The following SEC16A variants were observed in gnomAD, a reference collection of about 807,000 sequenced individuals.
SEC16A encodes protein transport protein Sec16A.
SEC16A carries 110 observed loss-of-function variants against 221.9 expected under a neutral mutation model. The ratio of observed to expected loss-of-function variants is 0.50; its 90% CI spans 0.42 to 0.58. The LOEUF is 0.58. Ranked by LOEUF, SEC16A falls within the 20% of genes least tolerant of loss-of-function variation. SEC16A has a pLI of 0.00. For synonymous variants in SEC16A, 1,393 were observed against 1,257.7 expected, an observed-to-expected ratio of 1.11 and a Z score of -2.28; for missense variants, 3,165 against 3,097.8, an observed-to-expected ratio of 1.02 and a Z score of -0.52.
At chr9:136,471,877 T>C (rs759971704) in intron 4 of SEC16A, 98 bp downstream of exon 4, 6 of 1,388,916 alleles carry the variant, frequency 4.3e-6, no homozygotes, top group East Asian at 2.3e-5. Context: ...TCTTCAGAAA[T>C]ACAGAACTTT....
Position 136,467,089 on chromosome 9 carries a change from AG to A in SEC16A, c.3803-7del. 3 of 1,613,794 alleles carry A rather than the reference AG, an allele frequency of 1.9e-6. No homozygotes were observed. Among genetic ancestry groups the A allele is most frequent in the Non-Finnish European group, 2.5e-6 (3 of 1,179,828 alleles). ...ACGATCCCAGTGACCTGGATCTGTG[AG>A]CAAGGAATTAATGATTAATACAGTA... On this transcript the variant is annotated splice_polypyrimidine_tract_variant and splice_region_variant and intron_variant, in intron 5 of 31. Coordinates refer to ENST00000684901, the MANE Select transcript of SEC16A (RefSeq NM_014866.2).
intron 5 of SEC16A, among the ~76,000 whole-genome samples, chr9:136,467,425 G>C (rs994369560): frequency 6.6e-6 from 1 of 152,032 alleles, no homozygotes; most frequent in Non-Finnish European, 1.5e-5. Context: ...GGCTGTTCTT[G>C]AACTCCTGGG....
chr9:136,479,968 C>G (rs1051952377), intron 1 of SEC16A, among the ~76,000 whole-genome samples: 1 of 151,678 alleles, frequency 6.6e-6, no homozygotes, highest in African/African-American at 2.4e-5. Flanking sequence ...AGCCACAACA[C>G]TCCAGCCTGG....
chr9:136,451,207 T>C, intron 23 of SEC16A, 49 bp downstream of exon 23: 1 of 1,578,490 alleles, frequency 6.3e-7, no homozygotes, highest in Non-Finnish European at 8.6e-7. Flanking sequence ...GCGTGCCTCC[T>C]GCCCAAACCC....
Position 136,441,748 on chromosome 9 carries a change from G to A in SEC16A, c.*7C>T, listed in dbSNP as rs772205010. 2 of 1,613,164 alleles carry A rather than the reference G, an allele frequency of 1.2e-6. No homozygotes were observed. The highest frequency in any genetic ancestry group is 1.7e-6 in the Non-Finnish European group (2 of 1,179,650). ...GGCTCCAAGTGCAAGTTCACAGCAGGGCAAGCCTAGTTCAGCACCAGGTGC... is the reference window on the plus strand; with the variant it reads ...GGCTCCAAGTGCAAGTTCACAGCAGAGCAAGCCTAGTTCAGCACCAGGTGC... On this transcript the variant is annotated 3_prime_UTR_variant, in exon 32 of 32. Coordinates refer to ENST00000684901, the MANE Select transcript of SEC16A (RefSeq NM_014866.2).
Position 136,468,398 on chromosome 9 carries a change from G to C in SEC16A, c.3802+17C>G. 1 of 1,557,098 alleles carries C rather than the reference G, an allele frequency of 6.4e-7. No individual in the cohort carries two copies. The highest frequency in any genetic ancestry group is 8.9e-7 in the Non-Finnish European group (1 of 1,129,170). On this transcript the variant is annotated intron_variant, in intron 5 of 31. Transcript: ENST00000684901. Reference sequence around the variant, plus strand: ...AGGCACCTGCTAAGGCCAGCTGCTTGGAGTTCCTTGACATACCTCCATAAT... The same window carrying C: ...AGGCACCTGCTAAGGCCAGCTGCTTCGAGTTCCTTGACATACCTCCATAAT...
chr9:136,443,986 G>A, intron 30 of SEC16A, 86 bp from the exon 31 acceptor site: 1 of 898,620 alleles, frequency 1.1e-6, no homozygotes, highest in Non-Finnish European at 1.7e-6. Context: ...CCGCTTCTGG[G>A]TGGGATTTAC....
chr9:136,484,635 G>A (rs1181345953), upstream of SEC16A: 1 of 1,365,014 alleles, frequency 7.3e-7, no homozygotes, highest in Non-Finnish European at 9.8e-7. Context: ...TCCCCAGCTG[G>A]GCCGGCGGCT....
Position 136,453,490 on chromosome 9 carries a change from G to T in SEC16A, c.6097C>A (p.Pro2033Thr). The part of the protein sequence containing the change: ...PDPGIVPQEA[P>T]VGNSLSELSE... ...AGCTCGGAAAGTGAGTTTCCAACAGGCGCCTCCTGCGGCACTATCCCTGTC... is the reference window on the plus strand; with the variant it reads ...AGCTCGGAAAGTGAGTTTCCAACAGTCGCCTCCTGCGGCACTATCCCTGTC... The change falls in exon 22 of 32, where the codon CCT (proline) becomes ACT (threonine). Residue 2033 changes from proline (P) to threonine (T), a missense_variant. Pro to Thr is a conservative substitution (Grantham distance 38). Around this residue, in one of 3 missense-constraint regions of SEC16A, gnomAD observed 1,088 missense variants for 1,089.6 expected, o/e 1.00. Transcript: ENST00000684901. 6 of 1,613,396 alleles carry T rather than the reference G, an allele frequency of 3.7e-6. No homozygotes were observed. The highest frequency in any genetic ancestry group is 5.1e-6 in the Non-Finnish European group (6 of 1,179,442).
At chr9:136,462,571 A>G (rs1440454388) in intron 12 of SEC16A, among the ~76,000 whole-genome samples, 1 of 152,244 alleles carries the variant, frequency 6.6e-6, no homozygotes, top group Non-Finnish European at 1.5e-5. Context: ...TGTGTCATGC[A>G]CATTTCATCC....
In SEC16A at chr9:136,476,452, TGA is replaced by T. The variant is rs1339790893; in HGVS notation, c.1162_1163del (p.Ser388IlefsTer2). 1.2e-6 allele frequency: 2 copies of T among 1,613,126 alleles called. No individual in the cohort carries two copies. Among genetic ancestry groups the T allele is most frequent in the Admixed American group, 1.7e-5 (1 of 59,996 alleles). The part of the protein sequence containing the change: ...GGETENEENL[S>X]SEKAGLSGQA... ...GACCAGATAAGCCTGCTTTTTCAGA[TGA>T]GAGATTCTCCTCATTTTCTGTCTCT... On this transcript the variant is annotated frameshift_variant, in exon 3 of 32. Transcript: ENST00000684901. LOFTEE classifies it high-confidence loss of function.
chr9:136,476,015 G>T lies in SEC16A; in HGVS notation c.1601C>A (p.Ser534Ter). ...CAGCTCCTGGGGCCTGGCTGAGCCT[G>T]AGAGCCTTCCGTGGCTTCTGCTGCT... ...SYSSRSHGRL[S>*]GSARPQELVG... Residue 534 changes from serine to a stop codon, truncating the protein, a stop_gained, in exon 3 of 32, where the codon TCA (serine) becomes TAA (stop). Transcript: ENST00000684901. LOFTEE classifies it high-confidence loss of function. 6.2e-7 allele frequency: 1 copy of T among 1,613,310 alleles called. No individual in the cohort carries two copies. Among genetic ancestry groups the T allele is most frequent in the Non-Finnish European group, 8.5e-7 (1 of 1,179,852 alleles).
At chr9:136,464,363 C>T in intron 9 of SEC16A, 57 bp downstream of exon 9, 1 of 1,513,816 alleles carries the variant, frequency 6.6e-7, no homozygotes, top group South Asian at 1.2e-5. Context: ...AACTGCAAAG[C>T]AGAGAGTTCC....
chr9:136,468,455 A>G lies in SEC16A; in HGVS notation c.3762T>C (p.Asp1254=). 2 of 1,613,680 alleles carry G rather than the reference A, an allele frequency of 1.2e-6. No individual in the cohort carries two copies. Among genetic ancestry groups the G allele is most frequent in the Non-Finnish European group, 1.7e-6 (2 of 1,179,580 alleles). The stretch of plus-strand genomic sequence containing the variant: ...GGCTGGAGTAATAGCTTGCATAGTA[A>G]TCGCTCTGACTGCTCCATCCACTTT... The part of the protein sequence containing the change: ...SSKSGWSSQS[D]YYASYYSSQY... The change falls in exon 5 of 32, where the codon GAT becomes GAC. Residue 1254 remains aspartate, a synonymous_variant. Transcript: ENST00000684901.
At chr9:136,451,474 G>C in intron 22 of SEC16A, 66 bp from the exon 23 acceptor site, 1 of 1,481,068 alleles carries the variant, frequency 6.8e-7, no homozygotes, top group Non-Finnish European at 9.0e-7. Flanking sequence ...GAGAGAGGGG[G>C]ATGCAATTCC....
rs767905875 is a variant in SEC16A, at chr9:136,475,495, C to A, written c.2121G>T (p.Arg707Ser). 1 of 1,607,754 alleles carries A rather than the reference C, an allele frequency of 6.2e-7. No individual in the cohort carries two copies. The highest frequency in any genetic ancestry group is 1.1e-5 in the South Asian group (1 of 90,796). ...CGGGCCCCTGGGTCCTGGCTGAAGG[C>A]CTCTTCTCGGGTGCTGGATACACAG... ...LDTVYPAPEK[R>S]PSARTQGPVK... The change falls in exon 3 of 32, where the codon AGG (arginine) becomes AGT (serine). Residue 707 changes from arginine (R) to serine (S), a missense_variant. Arg to Ser is a moderately radical substitution (Grantham distance 110, BLOSUM62 -1). Coordinates refer to ENST00000684901, the MANE Select transcript of SEC16A (RefSeq NM_014866.2). The surrounding 1 kb of genome is among the most constrained non-coding windows in gnomAD (Gnocchi z 5.0).
Position 136,466,551 on chromosome 9 carries a change from C to T in SEC16A, c.3930-89G>A, listed in dbSNP as rs914283881. 9.8e-5 allele frequency: 127 copies of T among 1,297,132 alleles called. No homozygotes were observed. The highest frequency in any genetic ancestry group is 1.2e-4 in the Non-Finnish European group (119 of 953,698). 80.4% of individuals were successfully genotyped at this position (1,297,132 alleles called of 1,614,324 possible). Reference sequence around the variant, plus strand: ...CACGCAGCTGCCCAGGAGCTGAGACCGAGACCCCTGGGGCCGAGGCACAAC... The same window carrying T: ...CACGCAGCTGCCCAGGAGCTGAGACTGAGACCCCTGGGGCCGAGGCACAAC... On this transcript the variant is annotated intron_variant, in intron 6 of 31. Coordinates refer to ENST00000684901, the MANE Select transcript of SEC16A (RefSeq NM_014866.2). This position sits in a 1 kb window ranked among gnomAD's most constrained non-coding sequence, Gnocchi z 5.5.
chr9:136,481,656 C>T (rs1842379548), intron 1 of SEC16A, among the ~76,000 whole-genome samples: 1 of 152,170 alleles, frequency 6.6e-6, no homozygotes, highest in Non-Finnish European at 1.5e-5. Flanking sequence ...CTGCCACTGG[C>T]TTCATATTTT....
Position 136,475,537 on chromosome 9 carries a change from C to T in SEC16A, c.2079G>A (p.Gly693=), listed in dbSNP as rs1461581007. ...TEAVHMLPHA[G]APPLDTVYPA... ...GATACACAGTATCCAAGGGCGGTGC[C>T]CCTGCGTGCGGAAGCATGTGCACAG... The change falls in exon 3 of 32, where the codon GGG becomes GGA. Residue 693 remains glycine (G), a synonymous_variant. Transcript: ENST00000684901. This position sits in a 1 kb window ranked among gnomAD's most constrained non-coding sequence, Gnocchi z 5.0. The T allele has an allele frequency of 6.2e-7, 1 of 1,613,346 alleles. No individual in the cohort carries two copies. The highest frequency in any genetic ancestry group is 2.2e-5 in the East Asian group (1 of 44,856).
Sources: allele counts gnomAD v4.1 joint callset (sites outside exome capture counted in the v4.1 genomes callset), GRCh38; gene constraint gnomAD v4.1.1; regional missense constraint gnomAD v4.1.1; non-coding constraint Gnocchi (gnomAD v3.1); transcripts MANE v1.5; gene names NCBI Gene and HGNC (gene_info 2026-07-23, HGNC 2026-07-21).